TMTC3: variants seen among roughly 807,000 people sequenced by gnomAD.
TMTC3 encodes the protein transmembrane O-mannosyltransferase targeting cadherins 3.
TMTC3 carries 52 observed loss-of-function variants against 92.2 expected under a neutral mutation model. The observed-to-expected ratio is 0.56, with a 90% confidence interval of 0.45 to 0.71. The LOEUF (loss-of-function observed/expected upper bound fraction) is 0.71. Among genes scored for constraint, TMTC3 ranks in the 30% least tolerant of loss-of-function variants. The pLI is 0.00. For missense variants in TMTC3, 896 were observed against 1,057.1 expected, an observed-to-expected ratio of 0.85 and a Z score of 2.11; for synonymous variants, 339 against 363.3, an observed-to-expected ratio of 0.93 and a Z score of 0.76.
At chr12:88,193,307 ATGT>A (rs1217730855) in intron 13 of TMTC3, among the ~76,000 whole-genome samples, 13 of 152,022 alleles carry the variant, frequency 8.6e-5, no homozygotes, top group Admixed American at 6.5e-4. Flanking sequence ...GTTTTCTGAG[ATGT>A]TGTAATTTTT....
Position 88,174,743 on chromosome 12 carries a change from G to C in TMTC3, c.1320+16G>C. On this transcript the variant is annotated intron_variant, in intron 9 of 13. Coordinates refer to ENST00000266712, the MANE Select transcript of TMTC3 (RefSeq NM_181783.4). ...AGCCTTGAAGGTAAAGTGTTGTTCAGAATGACAGGAAAGTATGTCATCAGT... is the reference window on the plus strand; with the variant it reads ...AGCCTTGAAGGTAAAGTGTTGTTCACAATGACAGGAAAGTATGTCATCAGT... 6.2e-7 allele frequency: 1 copy of C among 1,610,272 alleles called. No individual in the cohort carries two copies. Among genetic ancestry groups the C allele is most frequent in the Non-Finnish European group, 8.5e-7 (1 of 1,178,258 alleles).
Position 88,153,495 on chromosome 12 carries a change from A to G in TMTC3, c.394A>G (p.Ile132Val), listed in dbSNP as rs377358652. The part of the protein sequence containing the change: ...IASLLFAVHP[I>V]HTEAVTGVVG... ...TTCTTTACTTTTTGCAGTGCACCCA[A>G]TACACACAGAAGCAGTAAGTAAAAC... Residue 132 changes from isoleucine (I) to valine (V), a missense_variant, in exon 3 of 14, where the codon ATA (isoleucine) becomes GTA (valine). Ile to Val is a conservative substitution (Grantham distance 29). Transcript: ENST00000266712. 4.0e-5 allele frequency: 64 copies of G among 1,604,742 alleles called. No individual in the cohort carries two copies. The highest frequency in any genetic ancestry group is 5.1e-5 in the Non-Finnish European group (60 of 1,173,430).
At chr12:88,189,949 TA>T (rs1468565053) in intron 11 of TMTC3, among the ~76,000 whole-genome samples, 2 of 151,868 alleles carry the variant, frequency 1.3e-5, no homozygotes, top group South Asian at 2.1e-4. Flanking sequence ...AGTTCAACTT[TA>T]AAAAAAATTA....
intron 1 of TMTC3, among the ~76,000 whole-genome samples, chr12:88,147,647 G>A (rs1325874073): frequency 6.6e-6 from 1 of 151,912 alleles, no homozygotes; most frequent in Non-Finnish European, 1.5e-5. Flanking sequence ...GGAAAACTTA[G>A]GTTTATTAAT....
intron 4 of TMTC3, among the ~76,000 whole-genome samples, chr12:88,158,891 A>C (rs1377417858): frequency 2.0e-5 from 3 of 151,900 alleles, no homozygotes; most frequent in Non-Finnish European, 4.4e-5. Flanking sequence ...GTCTCTACTA[A>C]AAAATACAAA....
chr12:88,190,331 C>T lies in TMTC3; in HGVS notation c.1537-122C>T, dbSNP rs538444300. 49 of 811,412 alleles carry T rather than the reference C, an allele frequency of 6.0e-5. No homozygotes were observed. In the Admixed American group the frequency reaches 7.9e-4, roughly 13 times the overall value. The allele number at this position is 811,412 out of a possible 1,614,324, so 50.3% of individuals were successfully genotyped here. A position where few individuals can be genotyped will look rare whatever the true frequency, so the allele number is the denominator to read the frequency against. On this transcript the variant is annotated intron_variant, in intron 11 of 13. Coordinates refer to ENST00000266712, the MANE Select transcript of TMTC3 (RefSeq NM_181783.4). ...CAAAACAGGAGTAGAACCCTGATCTCTCAGTCCAGTGTATTTTTTACAGTA... is the reference window on the plus strand; with the variant it reads ...CAAAACAGGAGTAGAACCCTGATCTTTCAGTCCAGTGTATTTTTTACAGTA...
At chr12:88,186,805 T>C (rs1240079077) in intron 10 of TMTC3, among the ~76,000 whole-genome samples, 1 of 152,184 alleles carries the variant, frequency 6.6e-6, no homozygotes, top group Non-Finnish European at 1.5e-5. Flanking sequence ...GTGGCCTTTT[T>C]GATGCTAAAC....
In TMTC3 at chr12:88,153,368, A is replaced by G; in HGVS notation, c.267A>G (p.Pro89=). Residue 89 remains proline (P), a synonymous_variant, in exon 3 of 14, where the codon CCA becomes CCG. Coordinates refer to ENST00000266712, the MANE Select transcript of TMTC3 (RefSeq NM_181783.4). ...ATTATTTGTTAAGTGAACTAAAACCAATGTCATATCATCTCCTGAATATGA... is the reference window on the plus strand; with the variant it reads ...ATTATTTGTTAAGTGAACTAAAACCGATGTCATATCATCTCCTGAATATGA... ...RLNYLLSELK[P]MSYHLLNMIF... 1 of 1,613,482 alleles carries G rather than the reference A, an allele frequency of 6.2e-7. No individual in the cohort carries two copies. The highest frequency in any genetic ancestry group is 8.5e-7 in the Non-Finnish European group (1 of 1,179,660).
rs765891652 is a variant in TMTC3 at position 88,181,508 on chromosome 12, C to T, written c.1432+5189C>T. ...ATTGGGTGGTTTGGTCAAGCAGTGACGTCATAACTTGCAGGTCTGCTTGTT... is the reference window on the plus strand; with the variant it reads ...ATTGGGTGGTTTGGTCAAGCAGTGATGTCATAACTTGCAGGTCTGCTTGTT... On this transcript the variant is annotated intron_variant, in intron 10 of 13. Transcript: ENST00000266712. Among the ~76,000 whole-genome samples the T allele has an allele frequency of 5.9e-4, 90 of 152,074 alleles. 1 individual carries two copies. The highest frequency in any genetic ancestry group is 2.5e-4 in the Non-Finnish European group (17 of 68,024).
intron 7 of TMTC3, among the ~76,000 whole-genome samples, chr12:88,170,857 G>T (rs1298274052): frequency 6.6e-6 from 1 of 152,038 alleles, no homozygotes; most frequent in Non-Finnish European, 1.5e-5. Context: ...GTTTTTTATG[G>T]GTGTATAATG....
chr12:88,180,982 TC>T (rs1335651184), intron 10 of TMTC3, among the ~76,000 whole-genome samples: 3 of 152,096 alleles, frequency 2.0e-5, no homozygotes, highest in Non-Finnish European at 4.4e-5. Context: ...TTACTCATAT[TC>T]CCCCTTTTTA....
chr12:88,185,389 C>T (rs1343607190), intron 10 of TMTC3, among the ~76,000 whole-genome samples: 1 of 150,140 alleles, frequency 6.7e-6, no homozygotes, highest in Non-Finnish European at 1.5e-5. Context: ...TTTTGATACT[C>T]ATTCATGTTG....
chr12:88,192,489 C>CT (rs1565960026), intron 12 of TMTC3, 115 bp from the exon 13 acceptor site: 12 of 642,396 alleles, frequency 1.9e-5, no homozygotes. Context: ...TTTTAAGAGT[C>CT]TGAGTTAAGA....
chr12:88,162,181 G>C (rs1592730925), intron 6 of TMTC3, among the ~76,000 whole-genome samples: 1 of 151,882 alleles, frequency 6.6e-6, no homozygotes, highest in African/African-American at 2.4e-5. Flanking sequence ...GGCTTTTATT[G>C]TTTTCAGTGG....
intron 13 of TMTC3, among the ~76,000 whole-genome samples, chr12:88,193,424 G>A (rs1303782664): frequency 6.6e-6 from 1 of 151,888 alleles, no homozygotes; most frequent in African/African-American, 2.4e-5. Flanking sequence ...ATAAGATAGT[G>A]TATATGATTT....
intron 6 of TMTC3, among the ~76,000 whole-genome samples, chr12:88,162,165 T>C (rs1273018042): frequency 6.6e-6 from 1 of 152,170 alleles, no homozygotes; most frequent in African/African-American, 2.4e-5. Flanking sequence ...AAATCTACTG[T>C]CTTCCGGCTT....
chr12:88,191,281 G>A lies in TMTC3; in HGVS notation c.1706+659G>A, dbSNP rs184243548. On this transcript the variant is annotated intron_variant, in intron 12 of 13. Transcript: ENST00000266712. ...AAGTTGGGGTTTTCTTTGTTCCGCC[G>A]TGCCTATTGAGTTTATTAGCAGGGT... 1.2e-3 allele frequency among the ~76,000 whole-genome samples: 186 copies of A among 152,118 alleles called. 1 individual carries two copies. Among genetic ancestry groups the A allele is most frequent in the African/African-American group, 3.9e-3 (161 of 41,506 alleles).
intron 1 of TMTC3, among the ~76,000 whole-genome samples, chr12:88,146,577 A>T (rs1484670922): frequency 6.9e-6 from 1 of 144,284 alleles, no homozygotes; most frequent in East Asian, 2.1e-4. Flanking sequence ...AGAACCATAT[A>T]CATACCTATA....
At chr12:88,149,726 C>A (rs1039439798) in intron 2 of TMTC3, among the ~76,000 whole-genome samples, 1 of 152,270 alleles carries the variant, frequency 6.6e-6, no homozygotes, top group Middle Eastern at 3.4e-3. Flanking sequence ...GGGATGGAAT[C>A]TTTCATTCCT....
Sources: allele counts gnomAD v4.1 joint callset (sites outside exome capture counted in the v4.1 genomes callset), GRCh38; gene constraint gnomAD v4.1.1; transcripts MANE v1.5; gene names NCBI Gene and HGNC (gene_info 2026-07-23, HGNC 2026-07-21).